The following HHAT variants were observed in gnomAD, a reference collection of about 807,000 sequenced individuals.
HHAT encodes the protein protein-cysteine N-palmitoyltransferase HHAT.
A neutral mutation model predicts 70.8 loss-of-function variants in HHAT; 47 were observed. That is an observed-to-expected ratio of 0.66 (90% CI 0.53 to 0.85). The LOEUF is 0.85. HHAT is among the 40% of genes least tolerant of loss of function. HHAT has a pLI of 0.00. For missense variants in HHAT, 609 were observed against 604.8 expected, an observed-to-expected ratio of 1.01 and a Z score of -0.07; for synonymous variants, 228 against 247.6, an observed-to-expected ratio of 0.92 and a Z score of 0.74.
At chr1:210,580,875 G>A (rs1309427524) in intron 9 of HHAT, among the ~76,000 whole-genome samples, 1 of 152,072 alleles carries the variant, frequency 6.6e-6, no homozygotes, top group South Asian at 2.1e-4. Context: ...GGTATTTCTG[G>A]TTCTAGATCC....
chr1:210,581,604 C>G (rs1659277691), intron 9 of HHAT, among the ~76,000 whole-genome samples: 1 of 152,198 alleles, frequency 6.6e-6, no homozygotes, highest in Non-Finnish European at 1.5e-5. Context: ...GGTGGTAAAT[C>G]TCTTAGGGTT....
intron 8 of HHAT, among the ~76,000 whole-genome samples, chr1:210,507,402 C>T (rs2094878160): frequency 1.4e-5 from 2 of 147,734 alleles, no homozygotes; most frequent in Admixed American, 1.4e-4. Flanking sequence ...GCTTTGTCGC[C>T]CAGGCTGGAG....
intron 1 of HHAT, among the ~76,000 whole-genome samples, chr1:210,340,242 G>GGGGGGGAAAAAAAAA (rs1553313987): frequency 1.0e-5 from 1 of 99,784 alleles, no homozygotes; most frequent in African/African-American, 3.4e-5. Flanking sequence ...CTCTGTCTCA[G>GGGGGGGAAAAAAAAA]AAAAAAAAAA....
intron 1 of HHAT, among the ~76,000 whole-genome samples, chr1:210,347,392 G>T (rs2086618602): frequency 6.6e-6 from 1 of 152,210 alleles, no homozygotes; most frequent in African/African-American, 2.4e-5. Context: ...TGTGAATTCT[G>T]GGGTTTGGCA....
At chr1:210,588,322 A>G in intron 10 of HHAT, 1 of 454,192 alleles carries the variant, frequency 2.2e-6, no homozygotes, top group Non-Finnish European at 3.9e-6. Context: ...ACTATAAAAA[A>G]TGTATTATGT....
At chr1:210,612,025 A>C (rs1666686724) in intron 10 of HHAT, among the ~76,000 whole-genome samples, 1 of 151,942 alleles carries the variant, frequency 6.6e-6, no homozygotes, top group Non-Finnish European at 1.5e-5. Flanking sequence ...CCTTCATGAT[A>C]GCTTCTTAGA....
chr1:210,383,968 T>C (rs1173157292), intron 3 of HHAT, among the ~76,000 whole-genome samples: 1 of 152,110 alleles, frequency 6.6e-6, no homozygotes, highest in Non-Finnish European at 1.5e-5. Context: ...GTCTTCATTG[T>C]GGGGTGTGGT....
chr1:210,479,252 G>A (rs1398556832), intron 8 of HHAT, among the ~76,000 whole-genome samples: 2 of 152,166 alleles, frequency 1.3e-5, no homozygotes, highest in Non-Finnish European at 2.9e-5. Flanking sequence ...GTACCTGAAA[G>A]TCCAAATTCT....
chr1:210,588,460 T>G (rs141737147), intron 10 of HHAT: 321 of 178,008 alleles, frequency 1.8e-3, no homozygotes, highest in African/African-American at 7.4e-3. Flanking sequence ...CAAATGCTAT[T>G]ACAGAGAGAT....
At chr1:210,624,502 C>G (rs1669470243) in intron 11 of HHAT, among the ~76,000 whole-genome samples, 1 of 152,192 alleles carries the variant, frequency 6.6e-6, no homozygotes, top group East Asian at 1.9e-4. Context: ...CTTGTGCTCT[C>G]CTGAAGCTGT....
At chr1:210,454,362 G>C (rs911022818) in intron 7 of HHAT, among the ~76,000 whole-genome samples, 1 of 152,178 alleles carries the variant, frequency 6.6e-6, no homozygotes, top group Non-Finnish European at 1.5e-5. Context: ...GACCATCCTG[G>C]TGAACATGGT....
intron 7 of HHAT, 114 bp from the exon 8 acceptor site, chr1:210,464,383 TGAAGGGAG>T (rs1401590746): frequency 1.1e-6 from 1 of 909,990 alleles, no homozygotes; most frequent in Non-Finnish European, 1.7e-6. Context: ...ATGTGCGAGT[TGAAGGGAG>T]GAAGGGGTGT....
chr1:210,457,740 A>G (rs560866873), intron 7 of HHAT, among the ~76,000 whole-genome samples: 1 of 152,148 alleles, frequency 6.6e-6, no homozygotes, highest in African/African-American at 2.4e-5. Context: ...GTTGTTCTCC[A>G]GGTCTGTGGG....
chr1:210,593,829 A>G (rs948523208), intron 10 of HHAT, among the ~76,000 whole-genome samples: 2 of 152,150 alleles, frequency 1.3e-5, no homozygotes, highest in South Asian at 2.1e-4. Context: ...TGCTTTATAC[A>G]TGTGGGTGCT....
At chr1:210,421,496 A>AGT (rs2092902764) in intron 7 of HHAT, among the ~76,000 whole-genome samples, 1 of 152,152 alleles carries the variant, frequency 6.6e-6, no homozygotes, top group Non-Finnish European at 1.5e-5. Context: ...CCCAGGCTGA[A>AGT]GTACAGTGGG....
At chr1:210,360,038 C>T (rs372116146) in intron 2 of HHAT, among the ~76,000 whole-genome samples, 1 of 152,086 alleles carries the variant, frequency 6.6e-6, no homozygotes, top group Non-Finnish European at 1.5e-5. Flanking sequence ...ACCCAAAGGG[C>T]GGTTACCAGA....
chr1:210,567,397 A>AT (rs1366673385), intron 9 of HHAT, among the ~76,000 whole-genome samples: 2 of 152,184 alleles, frequency 1.3e-5, no homozygotes, highest in African/African-American at 4.8e-5. Context: ...TCATCTGGAA[A>AT]TTAAGGGAGG....
chr1:210,538,981 G>A (rs1358718905), intron 9 of HHAT, among the ~76,000 whole-genome samples: 5 of 152,180 alleles, frequency 3.3e-5, no homozygotes, highest in African/African-American at 1.2e-4. Flanking sequence ...GGAGGCTGAG[G>A]CAGGAGAATT....
intron 11 of HHAT, among the ~76,000 whole-genome samples, chr1:210,668,385 G>A (rs1679371865): frequency 6.6e-6 from 1 of 152,206 alleles, no homozygotes; most frequent in East Asian, 1.9e-4. Flanking sequence ...CCATGGTCAT[G>A]GGAAGGACCC....
Sources: allele counts gnomAD v4.1 joint callset (sites outside exome capture counted in the v4.1 genomes callset), GRCh38; gene constraint gnomAD v4.1.1; transcripts MANE v1.5; gene names NCBI Gene and HGNC (gene_info 2026-07-23, HGNC 2026-07-21).